Variants in MTUS1 observed in about 807,000 individuals in gnomAD.
MTUS1 encodes microtubule associated scaffold protein 1.
Under a neutral mutation model 120.8 loss-of-function variants are expected in MTUS1, and 109 were observed. The observed-to-expected ratio is 0.90, with a 90% CI of 0.77 to 1.06. MTUS1 has a LOEUF of 1.06. Ranked by LOEUF, MTUS1 falls within the 50% of genes least tolerant of loss-of-function variation. The pLI, the probability that MTUS1 is intolerant of heterozygous loss-of-function variation, is 0.00. For synonymous variants in MTUS1, 737 were observed against 550.5 expected (o/e 1.34, Z -4.74); for missense variants, 2,210 against 1,486.3 (o/e 1.49, Z -8.01).
chr8:17,785,874 A>T (rs4506257), intron 1 of MTUS1, among the ~76,000 whole-genome samples: 1 of 151,978 alleles, frequency 6.6e-6, no homozygotes, highest in African/African-American at 2.4e-5. Flanking sequence ...GCCAGGTACC[A>T]TGGGTCATGC....
chr8:17,656,472 G>T (rs987902110), intron 8 of MTUS1, among the ~76,000 whole-genome samples: 4 of 151,624 alleles, frequency 2.6e-5, no homozygotes, highest in African/African-American at 9.7e-5. Flanking sequence ...AGGTTGTAGT[G>T]AGCCAAGATC....
chr8:17,679,766 G>C (rs1813950999), intron 7 of MTUS1, among the ~76,000 whole-genome samples: 1 of 152,136 alleles, frequency 6.6e-6, no homozygotes, highest in South Asian at 2.1e-4. Flanking sequence ...GCCTCCCAAA[G>C]TGCTGGGATT....
chr8:17,731,379 C>G (rs979015009), intron 3 of MTUS1, among the ~76,000 whole-genome samples: 30 of 152,150 alleles, frequency 2.0e-4, no homozygotes, highest in African/African-American at 7.2e-4. Flanking sequence ...TACTCCTTAC[C>G]TCATAGGTTC....
At chr8:17,748,868 A>C (rs1469084911) in intron 2 of MTUS1, among the ~76,000 whole-genome samples, 2 of 152,218 alleles carry the variant, frequency 1.3e-5, no homozygotes, top group African/African-American at 4.8e-5. Flanking sequence ...CCATATGTAT[A>C]ATACATAGTA....
chr8:17,755,105 G>A lies in MTUS1; in HGVS notation c.703C>T (p.Pro235Ser). 6.2e-7 allele frequency: 1 copy of A among 1,613,916 alleles called. No homozygotes were observed. Among genetic ancestry groups the A allele is most frequent in the Non-Finnish European group, 8.5e-7 (1 of 1,180,014 alleles). ...TAAGTCATGTCTTGGGCTTCTGATGGTGTGACTTGAGGGTTTTCAAAGCTT... is the reference window on the plus strand; with the variant it reads ...TAAGTCATGTCTTGGGCTTCTGATGATGTGACTTGAGGGTTTTCAAAGCTT... The part of the protein sequence containing the change: ...RESFENPQVT[P>S]SEAQDMTYTA... Residue 235 changes from proline (P) to serine (S), a missense_variant, in exon 2 of 15, where the codon CCA becomes TCA. Physicochemically the swap from Pro to Ser is moderately conservative, Grantham distance 74. Coordinates refer to ENST00000693296, the MANE Select transcript of MTUS1 (RefSeq NM_001363059.2).
chr8:17,664,391 A>T (rs1810431178), intron 8 of MTUS1, among the ~76,000 whole-genome samples: 1 of 152,000 alleles, frequency 6.6e-6, no homozygotes, highest in South Asian at 2.1e-4. Flanking sequence ...TCCATTCCCA[A>T]ACTGCACACA....
At chr8:17,743,947 C>T (rs1427964819) in intron 2 of MTUS1, 148 bp from the exon 3 acceptor site, 1 of 614,772 alleles carries the variant, frequency 1.6e-6, no homozygotes, top group Non-Finnish European at 2.8e-6. Context: ...TCAGACATGC[C>T]TCATTATACT....
At chr8:17,785,345 G>C (rs2051217415) in intron 1 of MTUS1, among the ~76,000 whole-genome samples, 1 of 152,202 alleles carries the variant, frequency 6.6e-6, no homozygotes, top group Non-Finnish European at 1.5e-5. Flanking sequence ...ACAGTGAAAT[G>C]TCACTTCCAG....
At chr8:17,682,031 G>A (rs972026581) in intron 7 of MTUS1, among the ~76,000 whole-genome samples, 6 of 152,000 alleles carry the variant, frequency 3.9e-5, no homozygotes, top group Admixed American at 6.5e-5. Context: ...TCAATTCAAC[G>A]GATTTACATT....
chr8:17,689,336 C>T (rs73666308), intron 6 of MTUS1, among the ~76,000 whole-genome samples: 132 of 152,252 alleles, frequency 8.7e-4, no homozygotes, highest in African/African-American at 3.0e-3. Flanking sequence ...GAATTCGTTG[C>T]AATAGCTCAT....
chr8:17,693,743 C>T (rs1585741653), intron 6 of MTUS1, among the ~76,000 whole-genome samples: 3 of 152,344 alleles, frequency 2.0e-5, no homozygotes, highest in Admixed American at 2.0e-4. Context: ...CAAGTCCACA[C>T]CCTGCATTAT....
At chr8:17,657,559 C>T (rs1277562557) in intron 8 of MTUS1, among the ~76,000 whole-genome samples, 3 of 149,210 alleles carry the variant, frequency 2.0e-5, no homozygotes, top group Non-Finnish European at 4.4e-5. Context: ...CAGAGAGAGA[C>T]TCCGTCTCAA....
intron 1 of MTUS1, among the ~76,000 whole-genome samples, chr8:17,760,578 G>C (rs2048966407): frequency 6.6e-6 from 1 of 152,072 alleles, no homozygotes; most frequent in African/African-American, 2.4e-5. Flanking sequence ...TGGCCATTTT[G>C]TTTTACTGCC....
intron 6 of MTUS1, among the ~76,000 whole-genome samples, chr8:17,696,258 G>A (rs199531691): frequency 6.6e-6 from 1 of 152,080 alleles, no homozygotes; most frequent in Non-Finnish European, 1.5e-5. Flanking sequence ...ACGAGAGAGA[G>A]GTGCTGGAAA....
chr8:17,646,174 G>C (rs747403522), intron 14 of MTUS1, 35 bp from the exon 15 acceptor site: 29 of 1,442,854 alleles, frequency 2.0e-5, no homozygotes, highest in Non-Finnish European at 2.7e-5. Context: ...TGAGATCTAT[G>C]TAAAAAAAAA....
At chr8:17,667,380 T>C (rs1042426765) in intron 8 of MTUS1, among the ~76,000 whole-genome samples, 1 of 152,238 alleles carries the variant, frequency 6.6e-6, no homozygotes, top group African/African-American at 2.4e-5. Context: ...GTGACTTACC[T>C]GTAAAGAGTT....
chr8:17,665,613 A>G (rs760933810), intron 8 of MTUS1, among the ~76,000 whole-genome samples: 6 of 152,130 alleles, frequency 3.9e-5, no homozygotes, highest in Non-Finnish European at 7.4e-5. Flanking sequence ...TGTCCACCTC[A>G]GCCTCCCAAA....
chr8:17,714,928 C>T (rs575924444), intron 5 of MTUS1, among the ~76,000 whole-genome samples: 5 of 87,936 alleles, frequency 5.7e-5, no homozygotes, highest in Non-Finnish European at 1.0e-4. Flanking sequence ...TTTTTTGAGA[C>T]AGAGTCTCAC....
At chr8:17,715,293 A>C (rs140358994) in intron 5 of MTUS1, among the ~76,000 whole-genome samples, 173 of 152,298 alleles carry the variant, frequency 1.1e-3, no homozygotes, top group African/African-American at 3.9e-3. Flanking sequence ...ATATTTTGTA[A>C]ACCTGAAAAT....
Sources: allele counts gnomAD v4.1 joint callset (sites outside exome capture counted in the v4.1 genomes callset), GRCh38; gene constraint gnomAD v4.1.1; transcripts MANE v1.5; gene names NCBI Gene and HGNC (gene_info 2026-07-23, HGNC 2026-07-21).